The following MACROD2 variants were observed in gnomAD, a reference collection of about 807,000 sequenced individuals.
MACROD2 encodes ADP-ribose glycohydrolase MACROD2.
A neutral mutation model predicts 70.4 loss-of-function variants in MACROD2; 36 were observed. The observed-to-expected ratio is 0.51, with a 90% CI of 0.39 to 0.68. The LOEUF (loss-of-function observed/expected upper bound fraction) is 0.68. Ranked by LOEUF, MACROD2 falls within the 30% of genes least tolerant of loss-of-function variation. The pLI, the probability that MACROD2 is intolerant of heterozygous loss-of-function variation, is 0.00. For missense variants in MACROD2, 496 were observed against 538.4 expected (o/e 0.92, Z 0.78); for synonymous variants, 172 against 178.8 (o/e 0.96, Z 0.30).
chr20:15,841,884 G>A (rs1437781420), intron 8 of MACROD2, among the ~76,000 whole-genome samples: 1 of 152,168 alleles, frequency 6.6e-6, no homozygotes, highest in Non-Finnish European at 1.5e-5. Flanking sequence ...AATTAAACAA[G>A]AGGGTTCAGT....
chr20:14,827,168 A>G (rs2072911216), intron 5 of MACROD2, among the ~76,000 whole-genome samples: 1 of 152,106 alleles, frequency 6.6e-6, no homozygotes, highest in African/African-American at 2.4e-5. Context: ...ACTTTGCGGC[A>G]GCCACAGGGC....
At chr20:14,793,546 A>G (rs895431003) in intron 5 of MACROD2, among the ~76,000 whole-genome samples, 3 of 151,888 alleles carry the variant, frequency 2.0e-5, no homozygotes, top group Admixed American at 6.6e-5. Flanking sequence ...AGTTATTTCA[A>G]TTGAAAAAGG....
intron 5 of MACROD2, among the ~76,000 whole-genome samples, chr20:15,072,509 A>T (rs2075626470): frequency 6.6e-6 from 1 of 152,092 alleles, no homozygotes; most frequent in African/African-American, 2.4e-5. Context: ...TATTTTTCTG[A>T]CTCTAGTTTA....
intron 2 of MACROD2, among the ~76,000 whole-genome samples, chr20:14,024,924 T>C (rs2053139936): frequency 6.6e-6 from 1 of 152,186 alleles, no homozygotes; most frequent in Non-Finnish European, 1.5e-5. Flanking sequence ...TTCTGTTGTT[T>C]GGAATAGTTT....
intron 3 of MACROD2, among the ~76,000 whole-genome samples, chr20:14,129,958 C>T (rs1218454743): frequency 6.6e-6 from 1 of 152,046 alleles, no homozygotes; most frequent in Non-Finnish European, 1.5e-5. Flanking sequence ...TTGTGTGACT[C>T]GCTTTATTGC....
intron 5 of MACROD2, among the ~76,000 whole-genome samples, chr20:15,082,929 A>G (rs1000348374): frequency 6.6e-6 from 1 of 152,142 alleles, no homozygotes; most frequent in Admixed American, 6.5e-5. Context: ...TAGATGTAAA[A>G]TTATGTTATT....
chr20:14,348,278 A>AAAAAAAAAT (rs755694830), intron 3 of MACROD2, among the ~76,000 whole-genome samples: 1 of 143,938 alleles, frequency 6.9e-6, no homozygotes, highest in East Asian at 2.0e-4. Context: ...CAAAAAAAAA[A>AAAAAAAAAT]AAATAAATAA....
chr20:14,058,441 C>CAA (rs10715069), intron 2 of MACROD2, among the ~76,000 whole-genome samples: 1 of 148,184 alleles, frequency 6.7e-6, no homozygotes, highest in Admixed American at 6.7e-5. Context: ...TAGAAAAATA[C>CAA]AAAAAAAAAA....
At chr20:14,980,134 T>C (rs904218276) in intron 5 of MACROD2, among the ~76,000 whole-genome samples, 5 of 152,182 alleles carry the variant, frequency 3.3e-5, no homozygotes, top group Non-Finnish European at 7.3e-5. Context: ...TAAAAACTTA[T>C]TTTGAAATTT....
chr20:15,297,036 C>G (rs1048195618), intron 6 of MACROD2, among the ~76,000 whole-genome samples: 1 of 152,188 alleles, frequency 6.6e-6, no homozygotes, highest in Non-Finnish European at 1.5e-5. Context: ...GCCCCATGGT[C>G]AGATACCCTG....
At chr20:15,640,444 T>C (rs576998507) in intron 8 of MACROD2, among the ~76,000 whole-genome samples, 1 of 152,250 alleles carries the variant, frequency 6.6e-6, no homozygotes, top group Non-Finnish European at 1.5e-5. Context: ...GTGGCCTCTC[T>C]GCTCTTGAGA....
intron 5 of MACROD2, among the ~76,000 whole-genome samples, chr20:15,105,410 T>C (rs1211155966): frequency 6.6e-6 from 1 of 152,144 alleles, no homozygotes; most frequent in Admixed American, 6.5e-5. Flanking sequence ...AATAAAGTGC[T>C]CTGATTGGGT....
chr20:15,490,171 TTTCC>T (rs965490579), intron 7 of MACROD2, among the ~76,000 whole-genome samples: 15 of 103,568 alleles, frequency 1.4e-4, no homozygotes, highest in Admixed American at 3.0e-4. Context: ...TCCTTCCTCC[TTTCC>T]TTCCTTCCTT....
intron 15 of MACROD2, among the ~76,000 whole-genome samples, chr20:16,001,529 C>T (rs1265268581): frequency 6.6e-6 from 1 of 152,184 alleles, no homozygotes; most frequent in African/African-American, 2.4e-5. Flanking sequence ...TTTGAATTTA[C>T]ATTTTTTACA....
At chr20:14,322,759 C>G (rs1214126762) in intron 3 of MACROD2, among the ~76,000 whole-genome samples, 1 of 152,090 alleles carries the variant, frequency 6.6e-6, no homozygotes, top group Non-Finnish European at 1.5e-5. Flanking sequence ...AGATGGCAAA[C>G]ATTTGTTGAC....
chr20:14,663,474 CTTAAATG>C (rs1380220325), intron 4 of MACROD2, among the ~76,000 whole-genome samples: 1 of 150,344 alleles, frequency 6.7e-6, no homozygotes, highest in Non-Finnish European at 1.5e-5. Context: ...TACCCCTGAA[CTTAAATG>C]TTAAATGAAA....
intron 2 of MACROD2, among the ~76,000 whole-genome samples, chr20:14,063,463 G>GT (rs2148656947): frequency 6.6e-6 from 1 of 152,284 alleles, no homozygotes; most frequent in East Asian, 1.9e-4. Flanking sequence ...ATGGTTGCCA[G>GT]CAATGACACA....
chr20:15,584,180 C>T (rs1340321299), intron 8 of MACROD2, among the ~76,000 whole-genome samples: 1 of 152,212 alleles, frequency 6.6e-6, no homozygotes, highest in Non-Finnish European at 1.5e-5. Context: ...ATGCAGCCCC[C>T]TGGATCTCAC....
intron 5 of MACROD2, among the ~76,000 whole-genome samples, chr20:14,695,317 T>G (rs2123620432): frequency 6.6e-6 from 1 of 152,294 alleles, no homozygotes; most frequent in South Asian, 2.1e-4. Context: ...CCTGACATCC[T>G]CCCTGTTTCT....
Sources: gnomAD v4.1 joint callset for allele counts (sites outside exome capture counted in the v4.1 genomes callset) on GRCh38, gnomAD v4.1.1 for gene constraint, MANE v1.5 for transcripts, NCBI Gene and HGNC (gene_info 2026-07-23, HGNC 2026-07-21) for gene names.